The following USH2A variants were observed in gnomAD, a reference collection of about 807,000 sequenced individuals.
USH2A encodes the protein Usher syndrome 2A (autosomal recessive, mild).
A neutral mutation model predicts 538.9 loss-of-function variants in USH2A; 443 were observed. The ratio of observed to expected loss-of-function variants is 0.82; its 90% CI spans 0.76 to 0.89. The LOEUF (loss-of-function observed/expected upper bound fraction) is 0.89, where lower values mean the gene tolerates loss of function less well. Ranked by LOEUF, USH2A falls within the 40% of genes least tolerant of loss-of-function variation. The pLI, the probability that USH2A is intolerant of heterozygous loss-of-function variation, is 0.00. For synonymous variants in USH2A, 2,413 were observed against 2,273.5 expected, an observed-to-expected ratio of 1.06 and a Z score of -1.75; for missense variants, 6,633 against 6,324.8, an observed-to-expected ratio of 1.05 and a Z score of -1.65.
At chr1:216,121,796 T>C (rs776377124) in intron 21 of USH2A, among the ~76,000 whole-genome samples, 20 of 152,242 alleles carry the variant, frequency 1.3e-4, no homozygotes, top group Non-Finnish European at 2.4e-4. Flanking sequence ...GAAACTCACG[T>C]ATTATACAAT....
At chr1:216,028,684 G>T (rs547788489) in intron 32 of USH2A, among the ~76,000 whole-genome samples, 18 of 152,110 alleles carry the variant, frequency 1.2e-4, no homozygotes, top group African/African-American at 4.3e-4. Flanking sequence ...TAGAGTGCAT[G>T]CAAATGGTTA....
At chr1:215,993,454 T>C (rs556205450) in intron 34 of USH2A, among the ~76,000 whole-genome samples, 1 of 151,926 alleles carries the variant, frequency 6.6e-6, no homozygotes, top group African/African-American at 2.4e-5. Context: ...ATATATTGAC[T>C]GGATAAACAG....
chr1:215,702,768 T>C (rs1035360409), intron 61 of USH2A, among the ~76,000 whole-genome samples: 5 of 151,976 alleles, frequency 3.3e-5, no homozygotes, highest in African/African-American at 1.2e-4. Flanking sequence ...ATGCTCCTTT[T>C]GCTCGGAGGA....
intron 21 of USH2A, among the ~76,000 whole-genome samples, chr1:216,173,274 C>T (rs1159498251): frequency 6.6e-6 from 1 of 152,040 alleles, no homozygotes; most frequent in Non-Finnish European, 1.5e-5. Context: ...GCAAGTCAGC[C>T]AAAGGATCAA....
chr1:215,634,811 C>A (rs897010990), intron 69 of USH2A, 108 bp from the exon 70 acceptor site: 12 of 1,576,348 alleles, frequency 7.6e-6, no homozygotes, highest in Non-Finnish European at 9.5e-6. Context: ...AAGCAGAAAG[C>A]AGTTTGTCTC....
rs1287180221 is a variant in USH2A, at chr1:215,790,285, G to A, written c.9959-3C>T. On this transcript the variant is annotated splice_polypyrimidine_tract_variant and splice_region_variant and intron_variant, in intron 50 of 71. Coordinates refer to ENST00000307340, the MANE Select transcript of USH2A (RefSeq NM_206933.4). ...ATCCTGCCCACAACAGAACATACCT[G>A]CAACAATAAAATGTTATATATGAAT... is the stretch of plus-strand genomic sequence containing the variant. The A allele has an allele frequency of 6.2e-7, 1 of 1,613,516 alleles. No homozygotes were observed. The highest frequency in any genetic ancestry group is 2.2e-5 in the East Asian group (1 of 44,852).
chr1:215,943,485 G>A (rs2102433992), intron 37 of USH2A, among the ~76,000 whole-genome samples: 1 of 152,252 alleles, frequency 6.6e-6, no homozygotes, highest in South Asian at 2.1e-4. Flanking sequence ...TAATAGGTAT[G>A]TAGAAAGAAA....
At chr1:215,889,578 C>T (rs1440145446) in intron 40 of USH2A, among the ~76,000 whole-genome samples, 3 of 152,044 alleles carry the variant, frequency 2.0e-5, no homozygotes, top group Non-Finnish European at 4.4e-5. Context: ...TTATCTACTC[C>T]CTGTTAATAT....
intron 32 of USH2A, among the ~76,000 whole-genome samples, chr1:216,037,860 C>A (rs2030067129): frequency 6.6e-6 from 1 of 151,596 alleles, no homozygotes; most frequent in East Asian, 2.0e-4. Context: ...CTCTGAAAAG[C>A]CCCAGTATGT....
intron 10 of USH2A, among the ~76,000 whole-genome samples, chr1:216,290,525 T>C (rs2036981858): frequency 6.6e-6 from 1 of 152,160 alleles, no homozygotes; most frequent in African/African-American, 2.4e-5. Context: ...TTCACAAAGC[T>C]CTCTTACAGT....
intron 70 of USH2A, among the ~76,000 whole-genome samples, chr1:215,630,480 G>GTATATATATATATA (rs1443855975): frequency 9.4e-6 from 1 of 105,940 alleles, no homozygotes; most frequent in African/African-American, 4.5e-5. Flanking sequence ...GTATGTGTGT[G>GTATATATATATATA]TGTATATATA....
intron 47 of USH2A, among the ~76,000 whole-genome samples, chr1:215,836,487 A>ATTTT: frequency 1.4e-4 from 1 of 6,906 alleles, no homozygotes; most frequent in African/African-American, 1.9e-4. Context: ...TATAATATAT[A>ATTTT]TTATATATAT....
At chr1:216,030,417 ATAT>A (rs780909302) in intron 32 of USH2A, among the ~76,000 whole-genome samples, 48,512 of 134,196 alleles carry the variant, frequency 0.36, 12,893 homozygotes, top group East Asian at 0.6. Context: ...ATATAGATAT[ATAT>A]CACAGACATA....
Position 216,374,222 on chromosome 1 carries a change from G to A in USH2A, c.652-9137C>T, listed in dbSNP as rs185950650. Among the ~76,000 whole-genome samples the A allele has an allele frequency of 1.5e-4, 23 of 151,406 alleles. No individual in the cohort carries two copies. In the East Asian group the frequency reaches 3.3e-3, roughly 22 times the overall value. On this transcript the variant is annotated intron_variant, in intron 3 of 71. Transcript: ENST00000307340. ...TACATATGTAACAAGCCTGCACATT[G>A]TGCACATGTACCCTAAAACTTAAAG...
At chr1:216,000,639 C>T in intron 32 of USH2A, 77 bp from the exon 33 acceptor site, 1 of 1,548,148 alleles carries the variant, frequency 6.5e-7, no homozygotes, top group Non-Finnish European at 8.9e-7. Context: ...CCACTATAGT[C>T]CTATCTCAGA....
At chr1:216,108,942 G>A (rs940276351) in intron 21 of USH2A, among the ~76,000 whole-genome samples, 1 of 151,770 alleles carries the variant, frequency 6.6e-6, no homozygotes, top group African/African-American at 2.4e-5. Flanking sequence ...GGCAATCTGT[G>A]GATACATTTC....
intron 47 of USH2A, among the ~76,000 whole-genome samples, chr1:215,824,942 T>C (rs1221983990): frequency 6.6e-6 from 1 of 152,168 alleles, no homozygotes; most frequent in African/African-American, 2.4e-5. Context: ...AACTGTCTTG[T>C]CCTCATATTT....
intron 64 of USH2A, among the ~76,000 whole-genome samples, chr1:215,655,725 CTTTT>C (rs766225635): frequency 1.0e-5 from 1 of 96,172 alleles, no homozygotes; most frequent in East Asian, 3.4e-4. Context: ...GCTAGTTATT[CTTTT>C]TTTTTTTTTT....
At chr1:216,022,913 T>A (rs1245163128) in intron 32 of USH2A, among the ~76,000 whole-genome samples, 1 of 152,090 alleles carries the variant, frequency 6.6e-6, no homozygotes, top group African/African-American at 2.4e-5. Flanking sequence ...TAGATGATGG[T>A]GTTTATCCAG....
Sources: gnomAD v4.1 joint callset for allele counts (sites outside exome capture counted in the v4.1 genomes callset) on GRCh38, gnomAD v4.1.1 for gene constraint, MANE v1.5 for transcripts, NCBI Gene and HGNC (gene_info 2026-07-23, HGNC 2026-07-21) for gene names.